Variants in TSPAN9 observed in about 807,000 individuals in gnomAD.
TSPAN9 encodes tetraspanin 9.
Under a neutral mutation model 31.0 loss-of-function variants are expected in TSPAN9, and 16 were observed. That is an observed-to-expected ratio of 0.52 (90% confidence interval 0.35 to 0.78). TSPAN9 has a LOEUF of 0.78. Ranked by LOEUF, TSPAN9 falls within the 30% of genes least tolerant of loss-of-function variation. The pLI is 0.01. For missense variants in TSPAN9, 272 were observed against 312.5 expected (o/e 0.87, Z 0.98); for synonymous variants, 145 against 121.6 (o/e 1.19, Z -1.27).
intron 2 of TSPAN9, among the ~76,000 whole-genome samples, chr12:3,183,975 G>C (rs1353165505): frequency 6.6e-6 from 1 of 152,054 alleles, no homozygotes; most frequent in East Asian, 1.9e-4. Context: ...TGTTGTCATT[G>C]CTTCTACAGT....
rs942119934 is a variant in TSPAN9 at position 3,280,295 on chromosome 12, C to A, written c.331-87C>A. The stretch of plus-strand genomic sequence containing the variant: ...TGCCTTCCTCACTCCTCATCTGTCA[C>A]CCACCATCCTGGGTGACCTGAGGTG... On this transcript the variant is annotated intron_variant, in intron 5 of 8. Transcript: ENST00000011898. This position sits in a 1 kb window ranked among gnomAD's most constrained non-coding sequence, Gnocchi z 4.5. The A allele has an allele frequency of 1.3e-5, 16 of 1,228,522 alleles. No individual in the cohort carries two copies. In the East Asian group the frequency reaches 3.8e-4, roughly 29 times the overall value. 76.1% of individuals were successfully genotyped at this position (1,228,522 alleles called of 1,614,324 possible).
chr12:3,092,320 G>A (rs1307171908), intron 2 of TSPAN9, among the ~76,000 whole-genome samples: 1 of 152,178 alleles, frequency 6.6e-6, no homozygotes. Context: ...TCAGTAAGTC[G>A]TTACTGTGTG....
chr12:3,245,393 G>A (rs150716672), intron 3 of TSPAN9, among the ~76,000 whole-genome samples: 70 of 152,348 alleles, frequency 4.6e-4, no homozygotes, highest in Admixed American at 1.2e-3. Context: ...CTCTTGCCGA[G>A]GGAGAGAAAT....
chr12:3,253,863 C>T (rs561931665), intron 3 of TSPAN9, among the ~76,000 whole-genome samples: 56 of 152,352 alleles, frequency 3.7e-4, no homozygotes, highest in African/African-American at 1.2e-3. Flanking sequence ...TCAGCAGCAC[C>T]TGTGGATGTT....
At chr12:3,201,019 G>C (rs909410670) in intron 2 of TSPAN9, 158 bp from the exon 3 acceptor site, 7 of 634,600 alleles carry the variant, frequency 1.1e-5, no homozygotes, top group Admixed American at 3.0e-5. Context: ...CCGGCCGCCC[G>C]TTCGGCCGCG....
chr12:3,268,917 C>CCTCT (rs746224415), intron 3 of TSPAN9, among the ~76,000 whole-genome samples: 7 of 100,332 alleles, frequency 7.0e-5, no homozygotes, highest in Admixed American at 3.3e-4. Context: ...TGCAGCCTGC[C>CCTCT]CTGTGTTCCT....
chr12:3,136,341 T>G (rs1358854965), intron 2 of TSPAN9, among the ~76,000 whole-genome samples: 1 of 152,244 alleles, frequency 6.6e-6, no homozygotes, highest in African/African-American at 2.4e-5. Context: ...CCACTCATCG[T>G]GGGCATTCTT....
At chr12:3,262,572 T>C (rs1333817507) in intron 3 of TSPAN9, among the ~76,000 whole-genome samples, 2 of 152,134 alleles carry the variant, frequency 1.3e-5, no homozygotes, top group East Asian at 3.9e-4. Flanking sequence ...TTGCCCTTTA[T>C]GAAATGGCAT....
intron 3 of TSPAN9, among the ~76,000 whole-genome samples, chr12:3,254,861 A>G (rs1161859688): frequency 6.6e-6 from 1 of 152,148 alleles, no homozygotes. Flanking sequence ...ACGTATTTTC[A>G]TGTGGACATT....
Position 3,279,078 on chromosome 12 carries a change from CAGATGGG to C in TSPAN9, c.330+15_330+21del, listed in dbSNP as rs1246577508. 12 of 1,612,584 alleles carry C rather than the reference CAGATGGG, an allele frequency of 7.4e-6. No homozygotes were observed. Among genetic ancestry groups the C allele is most frequent in the Middle Eastern group, 3.3e-4 (2 of 6,078 alleles). Reference sequence around the variant, plus strand: ...TCTACATGGACAAGGTAAGCCTTACCAGATGGGAGGGGGCATATGGAATGTCACTGCC... The same window carrying C: ...TCTACATGGACAAGGTAAGCCTTACCAGGGGGCATATGGAATGTCACTGCC... On this transcript the variant is annotated intron_variant, in intron 5 of 8. Transcript: ENST00000011898.
chr12:3,175,121 G>A (rs2098354793), intron 2 of TSPAN9, among the ~76,000 whole-genome samples: 1 of 129,340 alleles, frequency 7.7e-6, no homozygotes, highest in Admixed American at 7.8e-5. Flanking sequence ...GGCGAGGCTG[G>A]GGGCATCATT....
At chr12:3,106,719 C>T (rs1164552364) in intron 2 of TSPAN9, among the ~76,000 whole-genome samples, 1 of 152,146 alleles carries the variant, frequency 6.6e-6, no homozygotes, top group Non-Finnish European at 1.5e-5. Flanking sequence ...TGCAGTGAGC[C>T]GTGACGGTGC....
At position 3,234,667 on chromosome 12, in the gene TSPAN9, A is replaced by G. The variant is rs1225791759; in HGVS notation, c.63+33411A>G. On this transcript the variant is annotated intron_variant, in intron 3 of 8. Transcript: ENST00000011898. ...AGGCCAGGCCTGCAGTCAGAGTGGA[A>G]GCGTGGAGTGGTCTGTGCTGCTCTC... is the stretch of plus-strand genomic sequence containing the variant. Among the ~76,000 whole-genome samples, 5 of 152,302 alleles carry G rather than the reference A, an allele frequency of 3.3e-5. No individual in the cohort carries two copies. In the East Asian group the frequency reaches 5.8e-4, roughly 18 times the overall value.
intron 3 of TSPAN9, among the ~76,000 whole-genome samples, chr12:3,217,284 C>G (rs1026650426): frequency 6.6e-6 from 1 of 152,154 alleles, no homozygotes; most frequent in Non-Finnish European, 1.5e-5. Context: ...TGGCAATGTC[C>G]CCTGAGTTGG....
chr12:3,246,018 T>C (rs1199224259), intron 3 of TSPAN9, among the ~76,000 whole-genome samples: 1 of 151,946 alleles, frequency 6.6e-6, no homozygotes, highest in Non-Finnish European at 1.5e-5. Flanking sequence ...CTGGGTGATT[T>C]ATAAAGAAAA....
rs1054508373 is a variant in TSPAN9 at position 3,192,281 on chromosome 12, CAT to C, written c.-17-8895_-17-8894del. On this transcript the variant is annotated intron_variant, in intron 2 of 8. Coordinates refer to ENST00000011898, the MANE Select transcript of TSPAN9 (RefSeq NM_006675.5). The surrounding 1 kb of genome is among the most constrained non-coding windows in gnomAD (Gnocchi z 4.6). ...CTGATGAGGTTACAGTGGAGAGGCA[CAT>C]GAGTGGGAAGATTGCATTGGCTGCT... Among the ~76,000 whole-genome samples, 1 of 152,098 alleles carries C rather than the reference CAT, an allele frequency of 6.6e-6. No individual in the cohort carries two copies. Among genetic ancestry groups the C allele is most frequent in the Non-Finnish European group, 1.5e-5 (1 of 68,024 alleles).
At chr12:3,193,809 C>A (rs1267669985) in intron 2 of TSPAN9, among the ~76,000 whole-genome samples, 4 of 152,228 alleles carry the variant, frequency 2.6e-5, no homozygotes, top group Admixed American at 6.5e-5. Context: ...TACCTCAGAT[C>A]TTTCCCACTT....
intron 2 of TSPAN9, among the ~76,000 whole-genome samples, chr12:3,156,689 G>GTACAAAATTTT (rs2098342467): frequency 6.6e-6 from 1 of 152,058 alleles, no homozygotes; most frequent in Non-Finnish European, 1.5e-5. Context: ...TGTATTTTTA[G>GTACAAAATTTT]TAGAGATGGG....
At chr12:3,087,449 G>A (rs2098301125) in intron 2 of TSPAN9, among the ~76,000 whole-genome samples, 1 of 152,128 alleles carries the variant, frequency 6.6e-6, no homozygotes, top group Admixed American at 6.5e-5. Flanking sequence ...AGAAAGTTGA[G>A]GCTGTAGTGA....
Sources: gnomAD v4.1 joint callset for allele counts (sites outside exome capture counted in the v4.1 genomes callset) on GRCh38, gnomAD v4.1.1 for gene constraint, Gnocchi (gnomAD v3.1) non-coding constraint, MANE v1.5 for transcripts, NCBI Gene and HGNC (gene_info 2026-07-23, HGNC 2026-07-21) for gene names.